Variants in PHF21B observed in about 807,000 individuals in gnomAD.
The protein encoded by PHF21B is PHD finger protein 4.
A neutral mutation model predicts 62.2 loss-of-function variants in PHF21B; 22 were observed. The observed-to-expected ratio is 0.35, with a 90% CI of 0.25 to 0.51. The LOEUF is 0.51. Among genes scored for constraint, PHF21B ranks in the 20% least tolerant of loss-of-function variants. The pLI, the probability that PHF21B is intolerant of heterozygous loss-of-function variation, is 0.97. For missense variants in PHF21B, 701 were observed against 707.9 expected (o/e 0.99, Z 0.11); for synonymous variants, 341 against 314.7 (o/e 1.08, Z -0.88).
intron 2 of PHF21B, among the ~76,000 whole-genome samples, chr22:44,958,191 C>T (rs1464725731): frequency 6.6e-6 from 1 of 152,206 alleles, no homozygotes; most frequent in Non-Finnish European, 1.5e-5. Context: ...GTGTGAGCCA[C>T]CACGACAGCC....
At chr22:44,947,690 G>A (rs1168578602) in intron 2 of PHF21B, among the ~76,000 whole-genome samples, 1 of 152,230 alleles carries the variant, frequency 6.6e-6, no homozygotes, top group Non-Finnish European at 1.5e-5. Flanking sequence ...TCTTGCCACT[G>A]CCATCCATGA....
At chr22:44,985,078 G>A (rs2147488644) in intron 2 of PHF21B, among the ~76,000 whole-genome samples, 1 of 152,280 alleles carries the variant, frequency 6.6e-6, no homozygotes, top group Middle Eastern at 3.4e-3. Flanking sequence ...CTTCACTGCT[G>A]GGGTATCGAC....
chr22:44,884,791 C>G (rs910634872), intron 12 of PHF21B, among the ~76,000 whole-genome samples: 1 of 151,828 alleles, frequency 6.6e-6, no homozygotes, highest in East Asian at 1.9e-4. Context: ...ACCACCATTA[C>G]GACCAACACC....
chr22:44,884,368 TCACCACCACCACCATCA>T (rs2070808554), intron 12 of PHF21B, among the ~76,000 whole-genome samples: 1 of 30,148 alleles, frequency 3.3e-5, no homozygotes, highest in Non-Finnish European at 7.8e-5. Flanking sequence ...ATCACCAACG[TCACCACCACCACCATCA>T]CGGTGATGAG....
chr22:44,945,537 T>C lies in PHF21B; in HGVS notation c.121-25047A>G, dbSNP rs2072050520. Among the ~76,000 whole-genome samples the C allele has an allele frequency of 2.0e-5, 3 of 152,106 alleles. No individual in the cohort carries two copies. The South Asian group carries it at 6.2e-4, about 32-fold the overall frequency. On this transcript the variant is annotated intron_variant, in intron 2 of 12. Transcript: ENST00000313237. ...CAGTGCCCACACAGCTGGGGCTTGT[T>C]TCCCTGGCTCCAGCCCCAGCCCCAA... is the stretch of plus-strand genomic sequence containing the variant.
intron 2 of PHF21B, among the ~76,000 whole-genome samples, chr22:44,984,805 G>A (rs148027686): frequency 3.3e-5 from 5 of 152,240 alleles, no homozygotes; most frequent in Admixed American, 1.3e-4. Context: ...CCAGAACCTC[G>A]GCATTTCCCG....
intron 2 of PHF21B, among the ~76,000 whole-genome samples, chr22:44,978,462 C>G (rs180939103): frequency 6.6e-6 from 1 of 152,164 alleles, no homozygotes; most frequent in Non-Finnish European, 1.5e-5. Context: ...CGGGTTCAAG[C>G]GATTCTCCTG....
chr22:44,922,192 G>C (rs1168649044), intron 2 of PHF21B, among the ~76,000 whole-genome samples: 4 of 152,244 alleles, frequency 2.6e-5, no homozygotes, highest in African/African-American at 4.8e-5. Context: ...CTGCAGGGCT[G>C]CTTTGCCATT....
At chr22:44,888,989 G>A (rs763338749) in intron 9 of PHF21B, among the ~76,000 whole-genome samples, 3 of 152,184 alleles carry the variant, frequency 2.0e-5, no homozygotes, top group Non-Finnish European at 4.4e-5. Context: ...GCCCTGGATG[G>A]GCACAAGATG....
Position 44,902,182 on chromosome 22 carries a change from C to G in PHF21B, c.832-6099G>C, listed in dbSNP as rs118149036. ...AAATTGGTATCAGCAATGTGAAAAT[C>G]CCAATACATCTTACTGATGCTTAAT... On this transcript the variant is annotated intron_variant, in intron 5 of 12. Coordinates refer to ENST00000313237, the MANE Select transcript of PHF21B (RefSeq NM_138415.5). 2.6e-3 allele frequency: 527 copies of G among 201,000 alleles called. 11 individuals carry two copies. In the East Asian group the frequency reaches 0.047, roughly 18 times the overall value. The allele number at this position is 201,000 out of a possible 1,614,324, so 12.5% of individuals were successfully genotyped here.
At chr22:44,936,088 T>C (rs1195123630) in intron 2 of PHF21B, among the ~76,000 whole-genome samples, 2 of 152,202 alleles carry the variant, frequency 1.3e-5, no homozygotes, top group African/African-American at 4.8e-5. Flanking sequence ...GGCGGAAACA[T>C]TCCTTGTCCT....
intron 2 of PHF21B, among the ~76,000 whole-genome samples, chr22:44,974,950 G>T (rs1265817515): frequency 6.6e-6 from 1 of 152,212 alleles, no homozygotes; most frequent in Admixed American, 6.5e-5. Flanking sequence ...ACACATGGGT[G>T]TTGTGATGAG....
chr22:44,944,809 C>T (rs183197579), intron 2 of PHF21B, among the ~76,000 whole-genome samples: 19 of 131,348 alleles, frequency 1.4e-4, no homozygotes, highest in African/African-American at 3.8e-4. Context: ...CCCAGCCCAT[C>T]GCATGGGTTC....
At chr22:44,912,818 G>A (rs1462023100) in intron 5 of PHF21B, among the ~76,000 whole-genome samples, 1 of 129,582 alleles carries the variant, frequency 7.7e-6, no homozygotes, top group Admixed American at 9.6e-5. Context: ...GGTTGAGGCT[G>A]CAGTGAGCTA....
chr22:44,984,171 CACCATCACA>C (rs1452799523), intron 2 of PHF21B, among the ~76,000 whole-genome samples: 2 of 149,862 alleles, frequency 1.3e-5, no homozygotes, highest in African/African-American at 2.5e-5. Flanking sequence ...CCACCATCAT[CACCATCACA>C]ACCACCATCA....
chr22:44,975,385 G>A (rs1281021761), intron 2 of PHF21B, among the ~76,000 whole-genome samples: 2 of 151,964 alleles, frequency 1.3e-5, no homozygotes, highest in Non-Finnish European at 2.9e-5. Flanking sequence ...AGAGCCATAA[G>A]AGGCCCCTGT....
chr22:44,999,525 T>C (rs1055465709), intron 2 of PHF21B, among the ~76,000 whole-genome samples: 1 of 152,144 alleles, frequency 6.6e-6, no homozygotes, highest in African/African-American at 2.4e-5. Flanking sequence ...ATGACTTCTA[T>C]TTCGGAGCAA....
At chr22:44,987,126 C>T (rs1023128528) in intron 2 of PHF21B, among the ~76,000 whole-genome samples, 16 of 152,222 alleles carry the variant, frequency 1.1e-4, no homozygotes, top group African/African-American at 3.6e-4. Context: ...AGACAAACAA[C>T]TTTGGTCACG....
chr22:44,924,636 C>A (rs890279409), intron 2 of PHF21B, among the ~76,000 whole-genome samples: 2 of 152,202 alleles, frequency 1.3e-5, no homozygotes, highest in Non-Finnish European at 2.9e-5. Flanking sequence ...AGGAATAGAG[C>A]CCTCATCAGG....
Sources: gnomAD v4.1 joint callset for allele counts (sites outside exome capture counted in the v4.1 genomes callset) on GRCh38, gnomAD v4.1.1 for gene constraint, MANE v1.5 for transcripts, NCBI Gene and HGNC (gene_info 2026-07-23, HGNC 2026-07-21) for gene names.